RELN: variants seen among roughly 807,000 people sequenced by gnomAD.
RELN encodes the protein reelin.
A neutral mutation model predicts 427.6 loss-of-function variants in RELN; 108 were observed. The observed-to-expected ratio is 0.25, with a 90% confidence interval of 0.22 to 0.30. RELN has a LOEUF of 0.30. RELN is among the 10% of genes least tolerant of loss of function. The pLI is 1.00. For missense variants in RELN, 3,715 were observed against 4,302.8 expected (o/e 0.86, Z 3.82); for synonymous variants, 1,524 against 1,513.4 (o/e 1.01, Z -0.16).
At chr7:103,986,334 A>G (rs1797096215) in intron 1 of RELN, among the ~76,000 whole-genome samples, 1 of 152,250 alleles carries the variant, frequency 6.6e-6, no homozygotes, top group East Asian at 1.9e-4. Flanking sequence ...AGATGGATAT[A>G]CTACTTAATG....
At chr7:103,801,653 G>A (rs913516178) in intron 3 of RELN, among the ~76,000 whole-genome samples, 3 of 151,894 alleles carry the variant, frequency 2.0e-5, no homozygotes, top group East Asian at 1.9e-4. Context: ...TGGATGCAGC[G>A]GGCCAGCATG....
chr7:103,791,057 T>G (rs1377774422), intron 3 of RELN, among the ~76,000 whole-genome samples: 1 of 152,054 alleles, frequency 6.6e-6, no homozygotes, highest in Non-Finnish European at 1.5e-5. Flanking sequence ...AGTCATAAAC[T>G]TGCAGAAGAA....
chr7:103,495,745 G>T lies in RELN; in HGVS notation c.9347C>A (p.Pro3116Gln), dbSNP rs1166597421. 6 of 1,613,758 alleles carry T rather than the reference G, an allele frequency of 3.7e-6. No homozygotes were observed. Among genetic ancestry groups the T allele is most frequent in the Non-Finnish European group, 5.1e-6 (6 of 1,179,982 alleles). ...TACTTTAAACTGCATCATGTATCCTGGCTGTATAATGAGTTCTCGGGAGGA... is the reference window on the plus strand; with the variant it reads ...TACTTTAAACTGCATCATGTATCCTTGCTGTATAATGAGTTCTCGGGAGGA... Reference protein sequence around the residue: ...ALSSRELIIQPGYMMQFKIVV... With the variant: ...ALSSRELIIQQGYMMQFKIVV... The change falls in exon 57 of 65, where the codon CCA becomes CAA. Residue 3116 changes from proline to glutamine, a missense_variant. Around this residue, in one of 4 missense-constraint regions of RELN, gnomAD observed 1,310 missense variants for 1,643.0 expected, o/e 0.80. Coordinates refer to ENST00000428762, the MANE Select transcript of RELN (RefSeq NM_005045.4).
At chr7:103,969,449 C>T (rs913925184) in intron 1 of RELN, among the ~76,000 whole-genome samples, 1 of 152,188 alleles carries the variant, frequency 6.6e-6, no homozygotes, top group African/African-American at 2.4e-5. Context: ...CAATCAATTA[C>T]ATTCGTAGAT....
rs200157006 is a variant in RELN at position 103,498,247 on chromosome 7, G to T, written c.8673C>A (p.Phe2891Leu). 3.1e-6 allele frequency: 5 copies of T among 1,613,362 alleles called. No individual in the cohort carries two copies. The highest frequency in any genetic ancestry group is 4.2e-6 in the Non-Finnish European group (5 of 1,179,778). The change falls in exon 54 of 65, where the codon TTC (phenylalanine) becomes TTA (leucine). Residue 2891 changes from phenylalanine to leucine, a missense_variant. Around this residue, in one of 4 missense-constraint regions of RELN, gnomAD observed 1,310 missense variants for 1,643.0 expected, o/e 0.80. Coordinates refer to ENST00000428762, the MANE Select transcript of RELN (RefSeq NM_005045.4). Reference sequence around the variant, plus strand: ...CTTCACTGTCAAAGCGTTCCTTCAGGAAAGTCTGGAAATAAAATAAGCCAG... The same window carrying T: ...CTTCACTGTCAAAGCGTTCCTTCAGTAAAGTCTGGAAATAAAATAAGCCAG... ...NCYLTHTLKT[F>L]LKERFDSEEI...
chr7:103,912,133 A>G (rs1264498975), intron 2 of RELN, among the ~76,000 whole-genome samples: 1 of 151,976 alleles, frequency 6.6e-6, no homozygotes, highest in Non-Finnish European at 1.5e-5. Context: ...ATTACAAAGA[A>G]AAAATTCCTA....
chr7:103,872,817 A>G (rs1215050639), intron 2 of RELN, among the ~76,000 whole-genome samples: 1 of 149,432 alleles, frequency 6.7e-6, no homozygotes, highest in East Asian at 2.1e-4. Flanking sequence ...ATGGCCAGTG[A>G]TGATGAGTGT....
chr7:103,511,110 C>G, intron 50 of RELN, 105 bp from the exon 51 acceptor site: 1 of 761,406 alleles, frequency 1.3e-6, no homozygotes, highest in East Asian at 2.7e-5. Flanking sequence ...AGAAACTGCT[C>G]ATATTATATA....
At chr7:103,611,896 T>C in intron 20 of RELN, 93 bp from the exon 21 acceptor site, 2 of 1,012,814 alleles carry the variant, frequency 2.0e-6, no homozygotes, top group South Asian at 2.7e-5. Context: ...ACCAAAATAA[T>C]TTCATTTTAC....
At chr7:103,938,257 T>C (rs1796030631) in intron 1 of RELN, among the ~76,000 whole-genome samples, 2 of 151,868 alleles carry the variant, frequency 1.3e-5, no homozygotes, top group South Asian at 2.1e-4. Context: ...GAGGTGGAGG[T>C]TGCAGTGAGC....
At chr7:103,748,872 A>G (rs1372527460) in intron 6 of RELN, among the ~76,000 whole-genome samples, 1 of 152,214 alleles carries the variant, frequency 6.6e-6, no homozygotes, top group Non-Finnish European at 1.5e-5. Context: ...CTATTTCTTC[A>G]AAGTCAGCAA....
At chr7:103,731,402 G>T (rs541954606) in intron 6 of RELN, among the ~76,000 whole-genome samples, 3 of 152,186 alleles carry the variant, frequency 2.0e-5, no homozygotes, top group Admixed American at 2.0e-4. Flanking sequence ...CCTCACAAAG[G>T]CTTCATGTGC....
chr7:103,813,760 T>C lies in RELN; in HGVS notation c.473+19777A>G, dbSNP rs147709052. On this transcript the variant is annotated intron_variant, in intron 3 of 64. Coordinates refer to ENST00000428762, the MANE Select transcript of RELN (RefSeq NM_005045.4). ...GGTCTACAAGAAAAAGAGGAAAGCT[T>C]GAAGATTTTTCTCTGTATTTTTGTC... Among the ~76,000 whole-genome samples the C allele has an allele frequency of 2.0e-3, 299 of 152,244 alleles. 3 individuals are homozygous for C. Among genetic ancestry groups the C allele is most frequent in the African/African-American group, 6.9e-3 (286 of 41,556 alleles).
chr7:103,963,080 C>G (rs1796592852), intron 1 of RELN, among the ~76,000 whole-genome samples: 1 of 151,760 alleles, frequency 6.6e-6, no homozygotes, highest in African/African-American at 2.4e-5. Flanking sequence ...ATCTGGAAAG[C>G]CTCGAAACCA....
chr7:103,476,699 G>T (rs1251006641), intron 64 of RELN: 2 of 357,654 alleles, frequency 5.6e-6, no homozygotes, highest in East Asian at 7.0e-5. Context: ...AAATTGACAT[G>T]GTTACTAAAC....
At chr7:103,543,975 T>C (rs1231617610) in intron 42 of RELN, among the ~76,000 whole-genome samples, 2 of 152,302 alleles carry the variant, frequency 1.3e-5, no homozygotes, top group South Asian at 2.1e-4. Context: ...TCTGTCTTTA[T>C]GAATTTACTT....
chr7:103,587,978 A>G (rs920048172), intron 28 of RELN, among the ~76,000 whole-genome samples: 4 of 152,216 alleles, frequency 2.6e-5, no homozygotes, highest in African/African-American at 4.8e-5. Context: ...AACAGTATGG[A>G]GATTTCTCAA....
chr7:103,485,708 C>T (rs1828413494), intron 61 of RELN, among the ~76,000 whole-genome samples: 1 of 152,144 alleles, frequency 6.6e-6, no homozygotes, highest in Non-Finnish European at 1.5e-5. Flanking sequence ...ATTTAACCCT[C>T]AGCAATTATA....
intron 19 of RELN, 72 bp downstream of exon 19, chr7:103,635,353 C>T: frequency 1.3e-6 from 2 of 1,519,872 alleles, no homozygotes; most frequent in Middle Eastern, 2.1e-4. Context: ...GAATTTTATA[C>T]CATTTGAATT....
Sources: gnomAD v4.1 joint callset for allele counts (sites outside exome capture counted in the v4.1 genomes callset) on GRCh38, gnomAD v4.1.1 for gene constraint, gnomAD v4.1.1 regional missense constraint, MANE v1.5 for transcripts, NCBI Gene and HGNC (gene_info 2026-07-23, HGNC 2026-07-21) for gene names.